DMD: variants seen among roughly 807,000 people sequenced by gnomAD.
DMD encodes dystrophin.
DMD carries 63 observed loss-of-function variants against 330.1 expected under a neutral mutation model. The ratio of observed to expected loss-of-function variants is 0.19; its 90% confidence interval spans 0.16 to 0.24. The LOEUF is 0.24. Among genes scored for constraint, DMD ranks in the 10% least tolerant of loss-of-function variants. DMD has a pLI of 1.00. For missense variants in DMD, 3,344 were observed against 2,684.1 expected (o/e 1.25, Z -5.43); for synonymous variants, 1,223 against 959.8 (o/e 1.27, Z -5.07).
intron 25 of DMD, among the ~76,000 whole-genome samples, chrX:32,462,236 T>C (rs2098386004): frequency 9.0e-6 from 1 of 111,425 alleles, no homozygotes; most frequent in South Asian, 3.8e-4. Context: ...TAAAATTTAA[T>C]TTATAAATTA....
At chrX:33,011,140 A>G (rs2093694051) in intron 2 of DMD, among the ~76,000 whole-genome samples, 1 of 111,545 alleles carries the variant, frequency 9.0e-6, no homozygotes, top group African/African-American at 3.3e-5. Context: ...TTTTGCATGA[A>G]GCATTAGTGG....
At chrX:31,839,070 T>C (rs996777654) in intron 48 of DMD, among the ~76,000 whole-genome samples, 1 of 111,696 alleles carries the variant, frequency 9.0e-6, no homozygotes, top group East Asian at 2.8e-4. Context: ...TCACTATGGG[T>C]CAGAGGGAGA....
intron 43 of DMD, among the ~76,000 whole-genome samples, chrX:32,274,569 G>A (rs1480316428): frequency 2.7e-5 from 3 of 112,099 alleles, no homozygotes; most frequent in Admixed American, 9.5e-5. Context: ...AAGCTGATGG[G>A]CAGAAACAAA....
chrX:31,130,006 A>G (rs1245809866), intron 77 of DMD, among the ~76,000 whole-genome samples: 1 of 111,595 alleles, frequency 9.0e-6, no homozygotes, highest in East Asian at 2.8e-4. Context: ...GGCACAGGTC[A>G]GTAGGCAAGA....
intron 7 of DMD, among the ~76,000 whole-genome samples, chrX:32,739,100 G>C (rs190037663): frequency 4.9e-4 from 55 of 111,938 alleles, no homozygotes; most frequent in Non-Finnish European, 8.3e-4. Context: ...TTTAATTCTT[G>C]TAACAGTCCT....
chrX:32,144,209 A>T (rs1045459914), intron 44 of DMD, among the ~76,000 whole-genome samples: 1 of 111,819 alleles, frequency 8.9e-6, no homozygotes, highest in Admixed American at 9.5e-5. Flanking sequence ...AAATCTGCCA[A>T]CTTTGAAGCT....
At chrX:33,330,108 A>G (rs113940237) in intron 1 of DMD, among the ~76,000 whole-genome samples, 72 of 110,937 alleles carry the variant, frequency 6.5e-4, no homozygotes, top group African/African-American at 2.2e-3. Context: ...TATATGTCAG[A>G]AGAAGGGAGA....
At chrX:32,495,214 G>C (rs753693254) in intron 19 of DMD, among the ~76,000 whole-genome samples, 106 of 111,802 alleles carry the variant, frequency 9.5e-4, no homozygotes, top group African/African-American at 3.3e-3. Flanking sequence ...CTCAACAAGG[G>C]CATAAACTGT....
At position 32,716,517 on chromosome X, in the gene DMD, C is replaced by G. The variant is rs185360762; in HGVS notation, c.650-17224G>C. Among the ~76,000 whole-genome samples the G allele has an allele frequency of 2.7e-3, 296 of 111,496 alleles. 2 individuals are homozygous for G. The highest frequency in any genetic ancestry group is 9.2e-3 in the African/African-American group (283 of 30,692). On this transcript the variant is annotated intron_variant, in intron 7 of 78. Transcript: ENST00000357033. ...CTCTTATCTTTACAAATTACTCAAT[C>G]TCAGGTAGTTTATAGCAATGCGAGA...
At chrX:32,720,271 C>T (rs995634863) in intron 7 of DMD, among the ~76,000 whole-genome samples, 9 of 111,024 alleles carry the variant, frequency 8.1e-5, no homozygotes, top group Non-Finnish European at 1.1e-4. Flanking sequence ...TGCATTTTAA[C>T]GGTCTAATAC....
chrX:32,925,279 G>A (rs2088894930), intron 2 of DMD, among the ~76,000 whole-genome samples: 2 of 106,354 alleles, frequency 1.9e-5, no homozygotes, highest in South Asian at 8.4e-4. Flanking sequence ...GACCACCTCA[G>A]TAGATACTAA....
intron 2 of DMD, among the ~76,000 whole-genome samples, chrX:32,983,790 T>C (rs2092773519): frequency 9.0e-6 from 1 of 111,675 alleles, no homozygotes; most frequent in African/African-American, 3.2e-5. Context: ...ATTTTGATTT[T>C]TTTATTTTCT....
chrX:32,613,435 A>G (rs757718774), intron 12 of DMD, among the ~76,000 whole-genome samples: 30 of 110,825 alleles, frequency 2.7e-4, no homozygotes, highest in Non-Finnish European at 5.5e-4. Context: ...TCTCAATAAC[A>G]GAAACAAAAA....
At chrX:31,717,622 C>T (rs984078406) in intron 52 of DMD, among the ~76,000 whole-genome samples, 1 of 112,124 alleles carries the variant, frequency 8.9e-6, no homozygotes, top group East Asian at 2.8e-4. Context: ...AAAATGCCAA[C>T]GTGAGCCTAT....
At chrX:32,075,885 C>A (rs1396988973) in intron 44 of DMD, among the ~76,000 whole-genome samples, 1 of 106,866 alleles carries the variant, frequency 9.4e-6, no homozygotes, top group East Asian at 2.9e-4. Context: ...CCCGTCTCCA[C>A]TAAAGATACA....
chrX:32,314,324 C>A (rs911321390), intron 41 of DMD, among the ~76,000 whole-genome samples: 2 of 110,993 alleles, frequency 1.8e-5, no homozygotes, highest in Non-Finnish European at 3.8e-5. Flanking sequence ...TAAATGGTGT[C>A]GGGAAAACTG....
intron 54 of DMD, among the ~76,000 whole-genome samples, chrX:31,652,900 T>C (rs750706667): frequency 6.1e-4 from 67 of 110,208 alleles, no homozygotes; most frequent in Middle Eastern, 4.7e-3. Flanking sequence ...TACAGCTGGA[T>C]AGAAAAAAAA....
chrX:32,846,263 A>C (rs2080655300), intron 3 of DMD, among the ~76,000 whole-genome samples: 1 of 112,114 alleles, frequency 8.9e-6, no homozygotes, highest in South Asian at 3.7e-4. Flanking sequence ...CCATATAACT[A>C]ATAATTGGTG....
chrX:32,996,777 A>G (rs990831595), intron 2 of DMD, among the ~76,000 whole-genome samples: 2 of 108,858 alleles, frequency 1.8e-5, no homozygotes, highest in Non-Finnish European at 3.8e-5. Context: ...AGATAGTGCC[A>G]TTGCACTCCA....
Sources: gnomAD v4.1 joint callset for allele counts (sites outside exome capture counted in the v4.1 genomes callset) on GRCh38, gnomAD v4.1.1 for gene constraint, MANE v1.5 for transcripts, NCBI Gene and HGNC (gene_info 2026-07-23, HGNC 2026-07-21) for gene names.